RBFOX1: variants seen among roughly 807,000 people sequenced by gnomAD.
RBFOX1 encodes the protein RNA binding fox-1 homolog 1.
RBFOX1 carries 8 observed loss-of-function variants against 57.7 expected under a neutral mutation model. That is an observed-to-expected ratio of 0.14 (90% CI 0.08 to 0.25). The LOEUF (loss-of-function observed/expected upper bound fraction) is 0.25, where lower values mean the gene tolerates loss of function less well. Ranked by LOEUF, RBFOX1 falls within the 10% of genes least tolerant of loss-of-function variation. The pLI, the probability that RBFOX1 is intolerant of heterozygous loss-of-function variation, is 1.00. For missense variants in RBFOX1, 611 were observed against 548.5 expected, an observed-to-expected ratio of 1.11 and a Z score of -1.14; for synonymous variants, 326 against 222.4, an observed-to-expected ratio of 1.47 and a Z score of -4.15.
intron 2 of RBFOX1, among the ~76,000 whole-genome samples, chr16:6,510,283 C>T (rs986294834): frequency 6.6e-6 from 1 of 152,120 alleles, no homozygotes; most frequent in Non-Finnish European, 1.5e-5. Flanking sequence ...CTCTGAAAGC[C>T]GGCTTTTCAG....
At chr16:5,842,767 C>T (rs1273878908) in intron 3 of RBFOX1, among the ~76,000 whole-genome samples, 3 of 152,056 alleles carry the variant, frequency 2.0e-5, no homozygotes, top group African/African-American at 7.2e-5. Flanking sequence ...GACTGAACAG[C>T]TACTGTGTAC....
intron 4 of RBFOX1, among the ~76,000 whole-genome samples, chr16:7,082,127 C>T (rs912261320): frequency 6.6e-6 from 1 of 152,120 alleles, no homozygotes; most frequent in African/African-American, 2.4e-5. Flanking sequence ...TCCTTGGTAT[C>T]CTAATTCCCT....
At chr16:5,380,937 A>G (rs115975067) in intron 1 of RBFOX1, among the ~76,000 whole-genome samples, 1 of 152,236 alleles carries the variant, frequency 6.6e-6, no homozygotes, top group Non-Finnish European at 1.5e-5. Context: ...CTTTTTATGC[A>G]CTAAAATGGC....
chr16:7,547,581 G>A (rs1273174053), intron 5 of RBFOX1, among the ~76,000 whole-genome samples: 2 of 152,224 alleles, frequency 1.3e-5, no homozygotes, highest in African/African-American at 4.8e-5. Flanking sequence ...TTAATAGTCA[G>A]TTGACCACAC....
At chr16:5,317,627 A>C (rs989547831) in intron 1 of RBFOX1, among the ~76,000 whole-genome samples, 4 of 152,184 alleles carry the variant, frequency 2.6e-5, no homozygotes, top group Non-Finnish European at 5.9e-5. Flanking sequence ...AAACAAAAAA[A>C]AGCGAACAAA....
intron 4 of RBFOX1, among the ~76,000 whole-genome samples, chr16:7,100,846 G>C (rs1428980552): frequency 1.3e-5 from 2 of 152,084 alleles, no homozygotes; most frequent in African/African-American, 4.8e-5. Context: ...GAAATGTTTT[G>C]CAAAGGGCAA....
chr16:5,815,819 C>T (rs2055613204), intron 3 of RBFOX1, among the ~76,000 whole-genome samples: 1 of 152,156 alleles, frequency 6.6e-6, no homozygotes, highest in Admixed American at 6.5e-5. Context: ...ATTGATGCTG[C>T]AGAGAGAATG....
intron 5 of RBFOX1, among the ~76,000 whole-genome samples, chr16:7,543,211 T>C (rs543752685): frequency 5.9e-5 from 9 of 152,254 alleles, no homozygotes; most frequent in African/African-American, 2.2e-4. Context: ...GAATGGCCAA[T>C]GGGAATATGG....
intron 5 of RBFOX1, among the ~76,000 whole-genome samples, chr16:7,544,758 G>C (rs2083937688): frequency 6.6e-6 from 1 of 152,172 alleles, no homozygotes; most frequent in Non-Finnish European, 1.5e-5. Context: ...TCCTAGGAAA[G>C]TAATAGCACA....
intron 1 of RBFOX1, among the ~76,000 whole-genome samples, chr16:5,248,207 C>T (rs138929002): frequency 1.3e-5 from 2 of 152,288 alleles, no homozygotes; most frequent in East Asian, 1.9e-4. Context: ...CAACAACTGG[C>T]GTTATGGAAA....
intron 4 of RBFOX1, among the ~76,000 whole-genome samples, chr16:7,112,191 A>G (rs1418475988): frequency 1.3e-5 from 2 of 152,122 alleles, no homozygotes; most frequent in African/African-American, 2.4e-5. Context: ...TATGTCATCC[A>G]TCTTGTACAT....
chr16:6,631,912 G>C (rs2098389757), intron 2 of RBFOX1, among the ~76,000 whole-genome samples: 1 of 152,204 alleles, frequency 6.6e-6, no homozygotes. Flanking sequence ...GAGTGAGCAG[G>C]AAAAGGTAGG....
intron 2 of RBFOX1, among the ~76,000 whole-genome samples, chr16:5,532,579 A>G (rs941765755): frequency 1.3e-5 from 2 of 152,232 alleles, no homozygotes; most frequent in African/African-American, 2.4e-5. Context: ...AGCACAGAGC[A>G]GCACTGGGTT....
chr16:5,565,938 G>C (rs1019914821), intron 2 of RBFOX1, among the ~76,000 whole-genome samples: 2 of 152,000 alleles, frequency 1.3e-5, no homozygotes, highest in Admixed American at 6.5e-5. Context: ...GATAATTGAA[G>C]CATGGGGGGC....
chr16:5,599,148 C>A (rs373278225), exon 3 of RBFOX1: 1 of 666,948 alleles, frequency 1.5e-6, no homozygotes, highest in Admixed American at 2.2e-5. Context: ...ATCACTTGGG[C>A]CGTATTCCCA....
intron 4 of RBFOX1, among the ~76,000 whole-genome samples, chr16:7,178,144 A>G (rs779024501): frequency 1.3e-5 from 2 of 152,234 alleles, no homozygotes; most frequent in Non-Finnish European, 2.9e-5. Context: ...AACAACAACA[A>G]CAAACAAAAA....
chr16:6,708,351 C>T lies in RBFOX1; in HGVS notation c.-16+53701C>T, dbSNP rs113449245. Among the ~76,000 whole-genome samples the T allele has an allele frequency of 2.7e-3, 404 of 152,196 alleles. 2 individuals are homozygous for T. The highest frequency in any genetic ancestry group is 9.2e-3 in the African/African-American group (382 of 41,540). On this transcript the variant is annotated intron_variant, in intron 3 of 15. Coordinates refer to ENST00000550418, the MANE Select transcript of RBFOX1 (RefSeq NM_018723.4). ...CACTGTCTTCCCAACTACCTTGAGA[C>T]CATCTTCTGTTTTCTTACTTTCCAT...
intron 4 of RBFOX1, among the ~76,000 whole-genome samples, chr16:7,224,448 C>T (rs1008081764): frequency 6.6e-6 from 1 of 152,150 alleles, no homozygotes; most frequent in African/African-American, 2.4e-5. Flanking sequence ...GCATCACCAG[C>T]CCAGTGCTTC....
intron 1 of RBFOX1, among the ~76,000 whole-genome samples, chr16:6,119,697 C>G (rs1394896888): frequency 6.6e-6 from 1 of 152,096 alleles, no homozygotes; most frequent in Non-Finnish European, 1.5e-5. Flanking sequence ...TCAAATCATT[C>G]CACAGGGTAT....
Sources: allele counts gnomAD v4.1 joint callset (sites outside exome capture counted in the v4.1 genomes callset), GRCh38; gene constraint gnomAD v4.1.1; transcripts MANE v1.5; gene names NCBI Gene and HGNC (gene_info 2026-07-23, HGNC 2026-07-21).